Variants in CDC42SE2 observed in about 807,000 individuals in gnomAD.
The protein encoded by CDC42SE2 is CDC42 small effector 2.
A neutral mutation model predicts 11.5 loss-of-function variants in CDC42SE2; 3 were observed. The observed-to-expected ratio is 0.26, with a 90% CI of 0.12 to 0.67. The LOEUF is 0.67. Among genes scored for constraint, CDC42SE2 ranks in the 30% least tolerant of loss-of-function variants. The pLI is 0.80. For synonymous variants in CDC42SE2, 33 were observed against 34.8 expected (o/e 0.95, Z 0.18); for missense variants, 82 against 106.8 (o/e 0.77, Z 1.02).
intron 2 of CDC42SE2, among the ~76,000 whole-genome samples, chr5:131,330,046 ATTC>A (rs1758387908): frequency 6.6e-6 from 1 of 152,134 alleles, no homozygotes; most frequent in South Asian, 2.1e-4. Context: ...AGTCTTGGCA[ATTC>A]TTCTCTTAAA....
chr5:131,368,751 C>T (rs2149778091), intron 3 of CDC42SE2, among the ~76,000 whole-genome samples: 1 of 152,288 alleles, frequency 6.6e-6, no homozygotes, highest in Middle Eastern at 3.4e-3. Context: ...TCACCTCATT[C>T]CATCCACTTT....
intron 1 of CDC42SE2, among the ~76,000 whole-genome samples, chr5:131,288,266 A>C (rs557180897): frequency 2.0e-4 from 31 of 152,056 alleles, no homozygotes; most frequent in Non-Finnish European, 2.2e-4. Context: ...ATAGTATGTG[A>C]ACTAGTAAAT....
At chr5:131,342,674 C>CACT (rs1397812035) in intron 2 of CDC42SE2, among the ~76,000 whole-genome samples, 4 of 151,320 alleles carry the variant, frequency 2.6e-5, no homozygotes, top group Non-Finnish European at 1.5e-5. Flanking sequence ...AGGTGTGAGC[C>CACT]ACTGCACCTG....
At chr5:131,230,178 G>T in the CDC42SE2 span, among the ~76,000 whole-genome samples, 7 of 151,902 alleles carry the variant, frequency 4.6e-5, no homozygotes, top group African/African-American at 1.7e-4. Context: ...TTTTAATTTC[G>T]CATAATTTCC....
At chr5:131,269,827 G>A (rs577657352) in intron 1 of CDC42SE2, among the ~76,000 whole-genome samples, 22 of 152,182 alleles carry the variant, frequency 1.4e-4, no homozygotes, top group Non-Finnish European at 1.2e-4. Flanking sequence ...TTGGGAGGCC[G>A]AGGTGGGTGG....
At chr5:131,390,928 C>A in intron 4 of CDC42SE2, 65 bp from the exon 5 acceptor site, 2 of 1,014,372 alleles carry the variant, frequency 2.0e-6, no homozygotes, top group Non-Finnish European at 3.0e-6. Context: ...AAAAGAATTA[C>A]TTAGTTGCAC....
In CDC42SE2 at chr5:131,334,835, G is replaced by A. The variant is rs542746666; in HGVS notation, c.-286+18691G>A. ...TATCCCCTTTATCATTTTTTATTGG[G>A]TCTATTTGATTCTTCTCTCTTTTCT... On this transcript the variant is annotated intron_variant, in intron 2 of 4. Transcript: ENST00000505065. 7.7e-3 allele frequency among the ~76,000 whole-genome samples: 1,163 copies of A among 151,994 alleles called. 16 individuals carry two copies. Among genetic ancestry groups the A allele is most frequent in the African/African-American group, 0.027 (1,114 of 41,460 alleles).
At chr5:131,293,504 G>A (rs181982464) in intron 1 of CDC42SE2, among the ~76,000 whole-genome samples, 116 of 151,496 alleles carry the variant, frequency 7.7e-4, no homozygotes, top group South Asian at 6.7e-3. Context: ...CCCGGGAGGC[G>A]GAGGTTGCAG....
chr5:131,370,043 T>G (rs1749972433), intron 3 of CDC42SE2, among the ~76,000 whole-genome samples: 1 of 152,196 alleles, frequency 6.6e-6, no homozygotes, highest in Non-Finnish European at 1.5e-5. Context: ...CTAGGAGGGC[T>G]TAGTTTTTTA....
At chr5:131,355,701 TA>T (rs959952656) in intron 2 of CDC42SE2, among the ~76,000 whole-genome samples, 22 of 138,130 alleles carry the variant, frequency 1.6e-4, no homozygotes, top group Admixed American at 3.8e-4. Flanking sequence ...TATTTTAGAT[TA>T]AAAAAAAAAA....
At chr5:131,355,609 A>G (rs545557831) in intron 2 of CDC42SE2, among the ~76,000 whole-genome samples, 1 of 152,318 alleles carries the variant, frequency 6.6e-6, no homozygotes, top group East Asian at 1.9e-4. Flanking sequence ...ACTGTCACAG[A>G]TCTTTTATTT....
At chr5:131,340,036 T>C in intron 2 of CDC42SE2, among the ~76,000 whole-genome samples, 1 of 152,166 alleles carries the variant, frequency 6.6e-6, no homozygotes, top group East Asian at 1.9e-4. Flanking sequence ...AGAATTAGAT[T>C]GATAGTCTAC....
At chr5:131,211,677 A>G in the CDC42SE2 span, among the ~76,000 whole-genome samples, 2 of 152,156 alleles carry the variant, frequency 1.3e-5, no homozygotes, top group African/African-American at 4.8e-5. Context: ...TTTCCATACC[A>G]CACAAATCAT....
intron 1 of CDC42SE2, among the ~76,000 whole-genome samples, chr5:131,293,468 C>A (rs143652140): frequency 0.026 from 3,961 of 151,002 alleles, 157 homozygotes; most frequent in African/African-American, 0.088. Flanking sequence ...GTTACCGGGG[C>A]GGCTGAGGCA....
intron 1 of CDC42SE2, among the ~76,000 whole-genome samples, chr5:131,273,853 C>T (rs1156687988): frequency 6.6e-6 from 1 of 152,008 alleles, no homozygotes; most frequent in Non-Finnish European, 1.5e-5. Flanking sequence ...TCTTAGCTCA[C>T]TGTGGCCTTG....
chr5:131,310,643 C>T (rs1303312234), intron 1 of CDC42SE2, among the ~76,000 whole-genome samples: 3 of 151,882 alleles, frequency 2.0e-5, no homozygotes, highest in African/African-American at 7.3e-5. Flanking sequence ...GTATTGGGTG[C>T]ATATATATTT....
chr5:131,324,775 A>T (rs1758263265), intron 2 of CDC42SE2, among the ~76,000 whole-genome samples: 1 of 152,164 alleles, frequency 6.6e-6, no homozygotes, highest in Non-Finnish European at 1.5e-5. Context: ...AATACCCCAG[A>T]TACTCTTGGA....
chr5:131,361,496 C>T (rs1749707053), intron 3 of CDC42SE2, among the ~76,000 whole-genome samples: 1 of 152,138 alleles, frequency 6.6e-6, no homozygotes, highest in Admixed American at 6.5e-5. Context: ...TCTGACCCCA[C>T]GACAATGTCT....
At chr5:131,337,055 C>T (rs245799) in intron 2 of CDC42SE2, among the ~76,000 whole-genome samples, 2 of 151,856 alleles carry the variant, frequency 1.3e-5, no homozygotes, top group Non-Finnish European at 2.9e-5. Context: ...TGATTTTTAG[C>T]GTTTCCGGTT....
Sources: gnomAD v4.1 joint callset for allele counts (sites outside exome capture counted in the v4.1 genomes callset) on GRCh38, gnomAD v4.1.1 for gene constraint, MANE v1.5 for transcripts, NCBI Gene and HGNC (gene_info 2026-07-23, HGNC 2026-07-21) for gene names.